CDH13: variants seen among roughly 807,000 people sequenced by gnomAD.
The protein encoded by CDH13 is cadherin-13.
A neutral mutation model predicts 63.8 loss-of-function variants in CDH13; 24 were observed. The ratio of observed to expected loss-of-function variants is 0.38; its 90% confidence interval spans 0.27 to 0.53. The LOEUF is 0.53. Among genes scored for constraint, CDH13 ranks in the 20% least tolerant of loss-of-function variants. CDH13 has a pLI of 0.85. For missense variants in CDH13, 1,049 were observed against 903.1 expected, an observed-to-expected ratio of 1.16 and a Z score of -2.07; for synonymous variants, 503 against 355.3, an observed-to-expected ratio of 1.42 and a Z score of -4.67.
At chr16:82,815,024 C>G (rs551494462) in intron 1 of CDH13, among the ~76,000 whole-genome samples, 2 of 149,280 alleles carry the variant, frequency 1.3e-5, no homozygotes, top group African/African-American at 2.5e-5. Context: ...TTTTTTCTAT[C>G]CTTCATATTG....
intron 5 of CDH13, among the ~76,000 whole-genome samples, chr16:83,235,620 A>G (rs2040122648): frequency 7.5e-6 from 1 of 132,734 alleles, no homozygotes; most frequent in Admixed American, 7.7e-5. Context: ...GACAAATTCT[A>G]TTTCCTTACT....
chr16:82,655,746 C>A (rs1236787647), intron 1 of CDH13, among the ~76,000 whole-genome samples: 1 of 152,146 alleles, frequency 6.6e-6, no homozygotes, highest in African/African-American at 2.4e-5. Flanking sequence ...TAACTCAGTC[C>A]TCACAACCAC....
intron 1 of CDH13, among the ~76,000 whole-genome samples, chr16:82,630,233 C>T (rs569823689): frequency 6.6e-5 from 10 of 152,254 alleles, no homozygotes; most frequent in East Asian, 1.9e-4. Flanking sequence ...CCCCCTCCCC[C>T]CCTAGGGTCA....
At chr16:83,663,759 C>A (rs1397300949) in intron 8 of CDH13, among the ~76,000 whole-genome samples, 1 of 152,142 alleles carries the variant, frequency 6.6e-6, no homozygotes, top group Non-Finnish European at 1.5e-5. Context: ...CATCTGATTT[C>A]TTTCTTTCCT....
intron 8 of CDH13, among the ~76,000 whole-genome samples, chr16:83,651,944 C>T (rs1203382670): frequency 6.6e-6 from 1 of 152,172 alleles, no homozygotes; most frequent in African/African-American, 2.4e-5. Context: ...CGTCTCTCCT[C>T]ACGCAGATTT....
chr16:83,384,181 T>G (rs2091626748), intron 6 of CDH13, among the ~76,000 whole-genome samples: 1 of 152,184 alleles, frequency 6.6e-6, no homozygotes. Context: ...CTTTCGTGTT[T>G]ATCAATACCT....
intron 9 of CDH13, among the ~76,000 whole-genome samples, chr16:83,672,970 G>T (rs1240123496): frequency 6.6e-6 from 1 of 152,240 alleles, no homozygotes; most frequent in African/African-American, 2.4e-5. Context: ...CAGAGGGCCA[G>T]TGCCAGGGTT....
chr16:83,052,801 A>AAAAAAAAAAG (rs1555571697), intron 3 of CDH13, among the ~76,000 whole-genome samples: 40 of 122,648 alleles, frequency 3.3e-4, no homozygotes, highest in African/African-American at 1.2e-3. Flanking sequence ...AAAAAAAAAA[A>AAAAAAAAAAG]AAAGAAAGAA....
At chr16:82,917,061 C>G (rs1391615277) in intron 2 of CDH13, among the ~76,000 whole-genome samples, 1 of 152,160 alleles carries the variant, frequency 6.6e-6, no homozygotes, top group Non-Finnish European at 1.5e-5. Flanking sequence ...TAGCCTTTGT[C>G]TTTTAAACCA....
chr16:83,460,002 C>T (rs573177464), intron 6 of CDH13, among the ~76,000 whole-genome samples: 2 of 152,124 alleles, frequency 1.3e-5, no homozygotes, highest in African/African-American at 4.8e-5. Flanking sequence ...ATACTCACAG[C>T]ACATTTAATT....
chr16:83,730,514 G>A (rs1003591782), intron 10 of CDH13, among the ~76,000 whole-genome samples: 3 of 152,170 alleles, frequency 2.0e-5, no homozygotes, highest in Non-Finnish European at 2.9e-5. Flanking sequence ...GCTAAACTGT[G>A]ACTTTTTAAA....
At chr16:83,056,483 T>C (rs1160723706) in intron 3 of CDH13, among the ~76,000 whole-genome samples, 1 of 152,262 alleles carries the variant, frequency 6.6e-6, no homozygotes, top group East Asian at 1.9e-4. Context: ...AAGCAACTGT[T>C]ATTATGCTCA....
chr16:82,642,397 G>C (rs56894214), intron 1 of CDH13, among the ~76,000 whole-genome samples: 5,521 of 152,290 alleles, frequency 0.036, 329 homozygotes, highest in African/African-American at 0.12. Flanking sequence ...AGGGAACAAT[G>C]TATAATGCAC....
intron 4 of CDH13, among the ~76,000 whole-genome samples, chr16:83,184,345 TG>T (rs2038447642): frequency 1.3e-5 from 2 of 152,128 alleles, no homozygotes; most frequent in Admixed American, 1.3e-4. Flanking sequence ...TTGCTTTCAA[TG>T]GGATTGTCCT....
intron 2 of CDH13, among the ~76,000 whole-genome samples, chr16:82,933,139 C>G (rs1320987181): frequency 1.3e-5 from 2 of 152,010 alleles, no homozygotes; most frequent in Non-Finnish European, 2.9e-5. Context: ...TTAGTCCATT[C>G]TCATGCAGCC....
chr16:82,628,171 C>T, intron 1 of CDH13, among the ~76,000 whole-genome samples: 1 of 152,208 alleles, frequency 6.6e-6, no homozygotes, highest in South Asian at 2.1e-4. Context: ...TTTCGGAGAG[C>T]ACCCCGATCC....
Position 82,992,061 on chromosome 16 carries a change from G to C in CDH13, c.158-39949G>C, listed in dbSNP as rs1220294202. 4.6e-5 allele frequency among the ~76,000 whole-genome samples: 7 copies of C among 152,318 alleles called. No homozygotes were observed. The East Asian group carries it at 1.4e-3, about 29-fold the overall frequency. On this transcript the variant is annotated intron_variant, in intron 2 of 13. Coordinates refer to ENST00000567109, the MANE Select transcript of CDH13 (RefSeq NM_001257.5). The stretch of plus-strand genomic sequence containing the variant: ...CACTGAAAGGAGCATTGAGGAAGAA[G>C]AAGAGTATTTCGTAGAAGTGAAACG...
chr16:82,895,397 C>T (rs1382554301), intron 2 of CDH13, among the ~76,000 whole-genome samples: 2 of 152,182 alleles, frequency 1.3e-5, no homozygotes, highest in Non-Finnish European at 2.9e-5. Context: ...TCATCTGGTC[C>T]TTTTCCATTT....
At chr16:82,653,704 G>T (rs1365759653) in intron 1 of CDH13, among the ~76,000 whole-genome samples, 1 of 152,132 alleles carries the variant, frequency 6.6e-6, no homozygotes, top group Non-Finnish European at 1.5e-5. Flanking sequence ...GAGAAACTTG[G>T]ATTTCACCCT....
Sources: gnomAD v4.1 joint callset for allele counts (sites outside exome capture counted in the v4.1 genomes callset) on GRCh38, gnomAD v4.1.1 for gene constraint, MANE v1.5 for transcripts, NCBI Gene and HGNC (gene_info 2026-07-23, HGNC 2026-07-21) for gene names.